METTL22: variants seen among roughly 807,000 people sequenced by gnomAD.
METTL22 encodes the protein methyltransferase 22, Kin17 lysine.
METTL22 carries 51 observed loss-of-function variants against 48.4 expected under a neutral mutation model. That is an observed-to-expected ratio of 1.05 (90% CI 0.84 to 1.33). The LOEUF (loss-of-function observed/expected upper bound fraction) is 1.33, where lower values mean the gene tolerates loss of function less well. Ranked by LOEUF, METTL22 falls within the 40% of genes most tolerant of loss-of-function variation. METTL22 has a pLI of 0.00. For synonymous variants in METTL22, 255 were observed against 214.1 expected, an observed-to-expected ratio of 1.19 and a Z score of -1.67; for missense variants, 678 against 526.9, an observed-to-expected ratio of 1.29 and a Z score of -2.81.
chr16:8,653,630 G>A (rs2056928288), downstream of METTL22, among the ~76,000 whole-genome samples: 1 of 152,240 alleles, frequency 6.6e-6, no homozygotes, highest in Admixed American at 6.5e-5. Flanking sequence ...CCTGGTTGAA[G>A]TGGATCTTGA....
rs150728187 is a variant in METTL22, at chr16:8,629,808, G to A, written c.514+698G>A. ...TGGCACTCTAGAAACACCGGGAGCA[G>A]TAGGGAGCTGGGCCAGGAAGTGATC... On this transcript the variant is annotated intron_variant, in intron 3 of 10. Transcript: ENST00000381920. Among the ~76,000 whole-genome samples the A allele has an allele frequency of 2.7e-3, 418 of 152,294 alleles. 1 individual carries two copies. The highest frequency in any genetic ancestry group is 4.6e-3 in the Non-Finnish European group (311 of 68,016).
downstream of METTL22, among the ~76,000 whole-genome samples, chr16:8,654,067 GGATCGA>G (rs2056932411): frequency 6.6e-6 from 1 of 152,172 alleles, no homozygotes; most frequent in Admixed American, 6.5e-5. Context: ...AGATCTCAGA[GGATCGA>G]GATGGTGATA....
the METTL22 span, among the ~76,000 whole-genome samples, chr16:8,662,627 A>G: frequency 6.9e-6 from 1 of 144,176 alleles, no homozygotes. Context: ...GCTCACCAAG[A>G]AAGAGCATGA....
At chr16:8,649,916 G>A (rs1198477359), downstream of METTL22, among the ~76,000 whole-genome samples, 2 of 152,176 alleles carry the variant, frequency 1.3e-5, no homozygotes, top group African/African-American at 4.8e-5. Context: ...TTCTGACTCA[G>A]GCCCTGGATG....
intron 2 of METTL22, among the ~76,000 whole-genome samples, chr16:8,627,012 G>A (rs113358740): frequency 5.9e-5 from 9 of 151,464 alleles, no homozygotes; most frequent in South Asian, 4.2e-4. Flanking sequence ...CGTGCCGCCC[G>A]CCTCGGCCTC....
intron 2 of METTL22, among the ~76,000 whole-genome samples, chr16:8,626,308 G>A (rs574021647): frequency 6.6e-6 from 1 of 152,252 alleles, no homozygotes; most frequent in South Asian, 2.1e-4. Flanking sequence ...AAACTCCTGT[G>A]GTTTCCTGAG....
chr16:8,639,693 AG>A (rs1409093547), intron 6 of METTL22: 1 of 167,578 alleles, frequency 6.0e-6, no homozygotes, highest in African/African-American at 2.4e-5. Flanking sequence ...CCCCCTGCGC[AG>A]ATGGGCCTCC....
intron 2 of METTL22, among the ~76,000 whole-genome samples, chr16:8,627,892 A>AC (rs1391817434): frequency 2.0e-5 from 3 of 152,180 alleles, no homozygotes; most frequent in African/African-American, 7.2e-5. Flanking sequence ...GACTATAGGC[A>AC]CATGCCACCA....
rs73493661 is a variant in METTL22, at chr16:8,642,761, G to A, written c.1010+196G>A. On this transcript the variant is annotated intron_variant, in intron 9 of 10. Coordinates refer to ENST00000381920, the MANE Select transcript of METTL22 (RefSeq NM_024109.4). ...CTGCATCCTAGCCCTGTGTGCAGGCGCTGCTGTCCCACTTGACTGATGAAG... is the reference window on the plus strand; with the variant it reads ...CTGCATCCTAGCCCTGTGTGCAGGCACTGCTGTCCCACTTGACTGATGAAG... 1.8e-4 allele frequency: 110 copies of A among 622,436 alleles called. 2 individuals carry two copies. In the South Asian group the frequency reaches 1.8e-3, roughly 10 times the overall value. 38.6% of individuals were successfully genotyped at this position (622,436 alleles called of 1,614,324 possible). A position where few individuals can be genotyped will look rare whatever the true frequency, so the allele number is the denominator to read the frequency against.
At chr16:8,664,506 T>G in the METTL22 span, among the ~76,000 whole-genome samples, 1 of 151,846 alleles carries the variant, frequency 6.6e-6, no homozygotes, top group East Asian at 1.9e-4. Context: ...CAGCCTGGAG[T>G]GCAGTGATGC....
chr16:8,625,976 G>A (rs1318934359), intron 2 of METTL22, among the ~76,000 whole-genome samples, 178 bp downstream of exon 2: 1 of 151,948 alleles, frequency 6.6e-6, no homozygotes, highest in East Asian at 1.9e-4. Context: ...TGCAATTTTT[G>A]TATGTGGGGG....
downstream of METTL22, among the ~76,000 whole-genome samples, chr16:8,652,988 T>G (rs1364851968): frequency 6.6e-6 from 1 of 152,192 alleles, no homozygotes; most frequent in African/African-American, 2.4e-5. Flanking sequence ...GCTCTTAGAT[T>G]AAAGCCTGTT....
intron 3 of METTL22, among the ~76,000 whole-genome samples, chr16:8,634,285 C>T (rs536776196): frequency 2.6e-5 from 4 of 152,268 alleles, no homozygotes; most frequent in South Asian, 2.1e-4. Context: ...GAGCGATTGG[C>T]GATAGCTGTT....
intron 3 of METTL22, chr16:8,631,641 G>A (rs7202492): frequency 0.99 from 150,510 of 152,420 alleles, 74,346 homozygotes; most frequent in Middle Eastern, 1. Flanking sequence ...GAACAGTCTA[G>A]GTTCCTGCAG....
intron 2 of METTL22, among the ~76,000 whole-genome samples, chr16:8,626,748 C>G (rs1436754188): frequency 2.0e-5 from 3 of 148,000 alleles, no homozygotes; most frequent in Non-Finnish European, 4.5e-5. Context: ...CGCATCCAAC[C>G]CTGTCCTCTA....
At chr16:8,661,705 C>T in the METTL22 span, among the ~76,000 whole-genome samples, 3 of 141,800 alleles carry the variant, frequency 2.1e-5, no homozygotes, top group Non-Finnish European at 4.6e-5. Context: ...ACTTTGTACT[C>T]ATATTATTTT....
intron 8 of METTL22, 53 bp downstream of exon 8, chr16:8,642,260 A>C (rs995771471): frequency 1.3e-6 from 2 of 1,501,732 alleles, no homozygotes; most frequent in African/African-American, 2.8e-5. Flanking sequence ...CATGAAGTCA[A>C]GTGCAGTCTC....
Position 8,641,197 on chromosome 16 carries a change from C to T in METTL22, c.826+13C>T. ...GACCTCTGCACAGGTGTGTGTTTCT[C>T]TCGGACGTCCCCCAGTATGATTCAG... On this transcript the variant is annotated intron_variant, in intron 7 of 10. Coordinates refer to ENST00000381920, the MANE Select transcript of METTL22 (RefSeq NM_024109.4). 1.9e-6 allele frequency: 3 copies of T among 1,613,642 alleles called. No individual in the cohort carries two copies. Among genetic ancestry groups the T allele is most frequent in the Non-Finnish European group, 2.5e-6 (3 of 1,179,686 alleles).
In METTL22 at chr16:8,622,786, T is replaced by C. The variant is rs189503021; in HGVS notation, c.-171+1011T>C. On this transcript the variant is annotated intron_variant, in intron 1 of 10. Transcript: ENST00000381920. Reference sequence around the variant, plus strand: ...GAGGGCCTCCTTATTCCCAGATAGCTGATTCTAGGGAAAGCCACTTAAAGG... The same window carrying C: ...GAGGGCCTCCTTATTCCCAGATAGCCGATTCTAGGGAAAGCCACTTAAAGG... 3.7e-4 allele frequency among the ~76,000 whole-genome samples: 57 copies of C among 152,328 alleles called. No homozygotes were observed. The East Asian group carries it at 8.7e-3, about 23-fold the overall frequency.
Sources: allele counts gnomAD v4.1 joint callset (sites outside exome capture counted in the v4.1 genomes callset), GRCh38; gene constraint gnomAD v4.1.1; transcripts MANE v1.5; gene names NCBI Gene and HGNC (gene_info 2026-07-23, HGNC 2026-07-21).